The following DENND4B variants were observed in gnomAD, a reference collection of about 807,000 sequenced individuals.
DENND4B encodes the protein DENN domain containing 4B.
Under a neutral mutation model 161.0 loss-of-function variants are expected in DENND4B, and 67 were observed. The ratio of observed to expected loss-of-function variants is 0.42; its 90% confidence interval spans 0.34 to 0.51. The LOEUF is 0.51. Ranked by LOEUF, DENND4B falls within the 20% of genes least tolerant of loss-of-function variation. The pLI is 0.08. For synonymous variants in DENND4B, 753 were observed against 813.8 expected (o/e 0.93, Z 1.27); for missense variants, 1,481 against 1,968.0 (o/e 0.75, Z 4.68).
At position 153,941,969 on chromosome 1, in the gene DENND4B, C is replaced by T. The variant is rs1273809658; in HGVS notation, c.955G>A (p.Ala319Thr). Residue 319 changes from alanine (A) to threonine (T), a missense_variant, in exon 6 of 28, where the codon GCT becomes ACT. Ala to Thr is a moderately conservative substitution (Grantham distance 58). This residue lies in a region of DENND4B where 806 missense variants were observed against 1,134.4 expected (regional missense o/e 0.71). Coordinates refer to ENST00000361217, the MANE Select transcript of DENND4B (RefSeq NM_014856.3). ...AAGGCAGGCCAGCGGGACAGCACAGCGATGGCACGCCGGCTGCGCACAGCT... is the reference window on the plus strand; with the variant it reads ...AAGGCAGGCCAGCGGGACAGCACAGTGATGGCACGCCGGCTGCGCACAGCT... ...GRAVRSRRAI[A>T]VLSRWPAFPA... 9 of 1,612,194 alleles carry T rather than the reference C, an allele frequency of 5.6e-6. No homozygotes were observed. Among genetic ancestry groups the T allele is most frequent in the African/African-American group, 4.0e-5 (3 of 74,920 alleles).
At chr1:153,945,985 G>A (rs1679941956) in intron 1 of DENND4B, among the ~76,000 whole-genome samples, 1 of 152,204 alleles carries the variant, frequency 6.6e-6, no homozygotes, top group African/African-American at 2.4e-5. Context: ...GAAGGAGCAG[G>A]AGGGCAGAGA....
In DENND4B at chr1:153,931,143, A is replaced by G; in HGVS notation, c.3997-79T>C. 10 of 1,161,780 alleles carry G rather than the reference A, an allele frequency of 8.6e-6. No homozygotes were observed. The South Asian group carries it at 1.2e-4, about 14-fold the overall frequency. The allele number at this position is 1,161,780 out of a possible 1,614,324, so 72.0% of individuals were successfully genotyped here. On this transcript the variant is annotated intron_variant, in intron 24 of 27. Coordinates refer to ENST00000361217, the MANE Select transcript of DENND4B (RefSeq NM_014856.3). ...GACAAGAAACGGACAGGTGATGCCA[A>G]AGAGACAGAGGGCCATTACAGGACA...
rs1394465970 is a variant in DENND4B, at chr1:153,930,670, C to T, written c.4280+22G>A. The T allele has an allele frequency of 1.2e-6, 2 of 1,613,252 alleles. No individual in the cohort carries two copies. Among genetic ancestry groups the T allele is most frequent in the Non-Finnish European group, 1.7e-6 (2 of 1,179,542 alleles). On this transcript the variant is annotated intron_variant, in intron 26 of 27. Transcript: ENST00000361217. The surrounding 1 kb of genome is among the most constrained non-coding windows in gnomAD (Gnocchi z 4.7). The stretch of plus-strand genomic sequence containing the variant: ...GTGGAGCCCCGGACAGACCAGGGAT[C>T]ACCCAGATGGTAGCACCATACCTCT...
In DENND4B at chr1:153,937,499, G is replaced by A. The variant is rs900015878; in HGVS notation, c.2221C>T (p.Arg741Cys). Residue 741 changes from arginine (R) to cysteine (C), a missense_variant, in exon 15 of 28, where the codon CGT (arginine) becomes TGT (cysteine). Physicochemically the swap from Arg to Cys is radical, Grantham distance 180. Around this residue, in one of 3 missense-constraint regions of DENND4B, gnomAD observed 806 missense variants for 1,134.4 expected, o/e 0.71. Transcript: ENST00000361217. The surrounding 1 kb of genome is among the most constrained non-coding windows in gnomAD (Gnocchi z 4.7). The stretch of plus-strand genomic sequence containing the variant: ...CACCCACTGCTTACCTGTTTGGTAC[G>A]GCGAGGAGCAGGACTGCTGGGGGCG... ...RSAPSSPAPR[R>C]TKQEMKVAQR... The A allele has an allele frequency of 6.4e-7, 1 of 1,563,342 alleles. No homozygotes were observed.
chr1:153,940,856 A>G lies in DENND4B; in HGVS notation c.1326+48T>C. ...GTCCAGGCAGGGATAGGGGCACCAGAAAGAACCATGGTTCTGGGGAAGATG... is the reference window on the plus strand; with the variant it reads ...GTCCAGGCAGGGATAGGGGCACCAGGAAGAACCATGGTTCTGGGGAAGATG... On this transcript the variant is annotated intron_variant, in intron 9 of 27. Transcript: ENST00000361217. The surrounding 1 kb of genome is among the most constrained non-coding windows in gnomAD (Gnocchi z 5.6). 2.0e-6 allele frequency: 3 copies of G among 1,529,974 alleles called. No homozygotes were observed. Among genetic ancestry groups the G allele is most frequent in the Non-Finnish European group, 2.6e-6 (3 of 1,142,060 alleles). The allele number at this position is 1,529,974 out of a possible 1,614,324, so 94.8% of individuals were successfully genotyped here. A position where few individuals can be genotyped will look rare whatever the true frequency, so the allele number is the denominator to read the frequency against.
In DENND4B at chr1:153,933,582, G is replaced by A; in HGVS notation, c.3231C>T (p.Pro1077=). Residue 1077 remains proline (P), a synonymous_variant, in exon 20 of 28, where the codon CCC becomes CCT. Transcript: ENST00000361217. The surrounding 1 kb of genome is among the most constrained non-coding windows in gnomAD (Gnocchi z 5.7). ...PSRHSPASRI[P]PPELPPDLPP... is the part of the protein sequence containing the mutation. ...GCAGGTCAGGAGGCAGCTCAGGTGGGGGAATGCGGGAGGCAGGGGAGTGGC... is the reference window on the plus strand; with the variant it reads ...GCAGGTCAGGAGGCAGCTCAGGTGGAGGAATGCGGGAGGCAGGGGAGTGGC... The A allele has an allele frequency of 6.4e-7, 1 of 1,566,314 alleles. No individual in the cohort carries two copies. The highest frequency in any genetic ancestry group is 8.6e-7 in the Non-Finnish European group (1 of 1,158,504).
Position 153,944,183 on chromosome 1 carries a change from G to GC in DENND4B, c.191dup (p.Tyr65LeufsTer34). The GC allele has an allele frequency of 6.2e-7, 1 of 1,612,700 alleles. No homozygotes were observed. Among genetic ancestry groups the GC allele is most frequent in the Non-Finnish European group, 8.5e-7 (1 of 1,179,338 alleles). ...CAGCAGAAGCCTGGATGCATGTGTA[G>GC]CCCTGGGGCACTTCCTCGCCCAGTG... On this transcript the variant is annotated frameshift_variant, in exon 2 of 28. Transcript: ENST00000361217. LOFTEE classifies it high-confidence loss of function. The surrounding 1 kb of genome is among the most constrained non-coding windows in gnomAD (Gnocchi z 4.8).
At position 153,940,924 on chromosome 1, in the gene DENND4B, C is replaced by T. The variant is rs764830615; in HGVS notation, c.1306G>A (p.Val436Ile). 1.3e-5 allele frequency: 20 copies of T among 1,582,108 alleles called. No individual in the cohort carries two copies. Among genetic ancestry groups the T allele is most frequent in the South Asian group, 3.4e-5 (3 of 87,630 alleles). Residue 436 changes from valine (V) to isoleucine (I), a missense_variant, in exon 9 of 28, where the codon GTC becomes ATC. Coordinates refer to ENST00000361217, the MANE Select transcript of DENND4B (RefSeq NM_014856.3). This position sits in a 1 kb window ranked among gnomAD's most constrained non-coding sequence, Gnocchi z 5.6. The stretch of plus-strand genomic sequence containing the variant: ...CTCACCGAGACGAGGGCCTCACAGA[C>T]GCTGGTGAGCAGGTCTGGCCGCAGC... ...HSLRPDLLTS[V>I]CEALVSMIFP... is the part of the protein sequence containing the mutation.
In DENND4B at chr1:153,944,073, G is replaced by C. The variant is rs1299178847; in HGVS notation, c.302C>G (p.Pro101Arg). The C allele has an allele frequency of 1.3e-6, 2 of 1,573,526 alleles. No homozygotes were observed. The highest frequency in any genetic ancestry group is 8.6e-7 in the Non-Finnish European group (1 of 1,156,962). The change falls in exon 2 of 28, where the codon CCC becomes CGC. Residue 101 changes from proline (P) to arginine (R), a missense_variant. Physicochemically the swap from Pro to Arg is moderately radical, Grantham distance 103 (BLOSUM62 -2). This residue lies in a region of DENND4B where 806 missense variants were observed against 1,134.4 expected (regional missense o/e 0.71). Transcript: ENST00000361217. This position sits in a 1 kb window ranked among gnomAD's most constrained non-coding sequence, Gnocchi z 4.8. ...ICYRRGRDKP[P>R]LVELGVLYEG... ...GGGCACACACCCCAGCTCAACGAGGGGGGGCTTGTCACGGCCCCTGCGGTA... is the reference window on the plus strand; with the variant it reads ...GGGCACACACCCCAGCTCAACGAGGCGGGGCTTGTCACGGCCCCTGCGGTA...
rs763492051 is a variant in DENND4B, at chr1:153,930,295, C to T, written c.*2G>A. ...TAGGCTGGAGAGGGAAGCTTAAGGT[C>T]TCTAGCATTCTGGAGGTGCTCCAAA... On this transcript the variant is annotated 3_prime_UTR_variant, in exon 28 of 28. Coordinates refer to ENST00000361217, the MANE Select transcript of DENND4B (RefSeq NM_014856.3). This position sits in a 1 kb window ranked among gnomAD's most constrained non-coding sequence, Gnocchi z 4.7. 1.1e-5 allele frequency: 18 copies of T among 1,613,270 alleles called. No homozygotes were observed. In the South Asian group the frequency reaches 1.8e-4, roughly 16 times the overall value.
chr1:153,944,540 C>G lies in DENND4B; in HGVS notation c.-23-143G>C, dbSNP rs954304098. ...GGTCGGCCAATCCTGAACTCTTCCC[C>G]CTGTGACATCACTGCCCACCACAGC... is the stretch of plus-strand genomic sequence containing the variant. On this transcript the variant is annotated intron_variant, in intron 1 of 27. Coordinates refer to ENST00000361217, the MANE Select transcript of DENND4B (RefSeq NM_014856.3). The surrounding 1 kb of genome is among the most constrained non-coding windows in gnomAD (Gnocchi z 4.8). 9 of 790,340 alleles carry G rather than the reference C, an allele frequency of 1.1e-5. No homozygotes were observed. In the African/African-American group the frequency reaches 1.4e-4, roughly 12 times the overall value. 49.0% of individuals were successfully genotyped at this position (790,340 alleles called of 1,614,324 possible).
chr1:153,940,270 A>AT lies in DENND4B; in HGVS notation c.1503-15dup, dbSNP rs1679591963. 1.3e-6 allele frequency: 2 copies of AT among 1,587,052 alleles called. No individual in the cohort carries two copies. The highest frequency in any genetic ancestry group is 1.7e-6 in the Non-Finnish European group (2 of 1,167,244). Reference sequence around the variant, plus strand: ...TTTTCCTCAGTCCTGTGAGAAAAGCATAAGGGGAAAGAGTGGCGAGGCTCT... The same window carrying AT: ...TTTTCCTCAGTCCTGTGAGAAAAGCATTAAGGGGAAAGAGTGGCGAGGCTCT... On this transcript the variant is annotated splice_polypyrimidine_tract_variant and intron_variant, in intron 10 of 27. Coordinates refer to ENST00000361217, the MANE Select transcript of DENND4B (RefSeq NM_014856.3). The surrounding 1 kb of genome is among the most constrained non-coding windows in gnomAD (Gnocchi z 5.6).
chr1:153,938,406 CAA>C (rs34071791), intron 13 of DENND4B, among the ~76,000 whole-genome samples: 15 of 103,138 alleles, frequency 1.5e-4, no homozygotes, highest in Admixed American at 2.0e-4. Flanking sequence ...AAAACTATCT[CAA>C]AAAAAAAAAA....
Position 153,936,617 on chromosome 1 carries a change from G to A in DENND4B, c.2364C>T (p.Ser788=), listed in dbSNP as rs1295753291. 3.1e-6 allele frequency: 5 copies of A among 1,613,112 alleles called. No homozygotes were observed. In the East Asian group the frequency reaches 8.9e-5, roughly 29 times the overall value. ...AGGCTGTGTGCAGTGCCTGCACTCG[G>A]GAGGGTGCCGACCGCACATAGGCAG... ...CLPAYVRSAP[S]RVQALHTAYH... The change falls in exon 16 of 28, where the codon TCC becomes TCT. Residue 788 remains serine (S), a synonymous_variant. Transcript: ENST00000361217. This position sits in a 1 kb window ranked among gnomAD's most constrained non-coding sequence, Gnocchi z 4.1.
Position 153,933,390 on chromosome 1 carries a change from C to G in DENND4B, c.3331-71G>C, listed in dbSNP as rs1209027092. ...CACCCAGGATATGTGTTTCAAGCAC[C>G]CCTCAGAGCCCCCTTTTTGAGCATT... On this transcript the variant is annotated intron_variant, in intron 20 of 27. Transcript: ENST00000361217. This position sits in a 1 kb window ranked among gnomAD's most constrained non-coding sequence, Gnocchi z 5.7. 3 of 1,608,210 alleles carry G rather than the reference C, an allele frequency of 1.9e-6. No homozygotes were observed. Among genetic ancestry groups the G allele is most frequent in the Non-Finnish European group, 2.5e-6 (3 of 1,177,244 alleles).
Position 153,930,263 on chromosome 1 carries a change from C to T in DENND4B, c.*34G>A, listed in dbSNP as rs555769689. Reference sequence around the variant, plus strand: ...TCTAGAATCCCTTCTTCCTCACTTCCCCACCCTAGGCTGGAGAGGGAAGCT... The same window carrying T: ...TCTAGAATCCCTTCTTCCTCACTTCTCCACCCTAGGCTGGAGAGGGAAGCT... On this transcript the variant is annotated 3_prime_UTR_variant, in exon 28 of 28. Transcript: ENST00000361217. This position sits in a 1 kb window ranked among gnomAD's most constrained non-coding sequence, Gnocchi z 4.7. 6.3e-7 allele frequency: 1 copy of T among 1,598,708 alleles called. No individual in the cohort carries two copies. The highest frequency in any genetic ancestry group is 1.1e-5 in the South Asian group (1 of 90,320).
Position 153,938,955 on chromosome 1 carries a change from G to A in DENND4B, c.1910C>T (p.Ser637Phe), listed in dbSNP as rs1270306589. 6.2e-7 allele frequency: 1 copy of A among 1,609,014 alleles called. No homozygotes were observed. Among genetic ancestry groups the A allele is most frequent in the Non-Finnish European group, 8.5e-7 (1 of 1,177,766 alleles). ...GGCAGCATGGCGAGCAGAGCCAAAA[G>A]AGCACTCCTCAATGAACTGTGAGAA... ...QMFSQFIEECSFGSARHAALE... is the reference protein window; with the variant it reads ...QMFSQFIEECFFGSARHAALE... The change falls in exon 13 of 28, where the codon TCT becomes TTT. Residue 637 changes from serine to phenylalanine, a missense_variant. Ser to Phe is a radical substitution (Grantham distance 155). Around this residue, in one of 3 missense-constraint regions of DENND4B, gnomAD observed 806 missense variants for 1,134.4 expected, o/e 0.71. Transcript: ENST00000361217.
In DENND4B at chr1:153,930,011, T is replaced by TG. The variant is rs1678811096; in HGVS notation, c.*285dup. ...GGGCAATGCAGATCTGTGGGTACCC[T>TG]GGAGGGGAGTTCCCGGTATAGGACA... On this transcript the variant is annotated 3_prime_UTR_variant, in exon 28 of 28. Transcript: ENST00000361217. The surrounding 1 kb of genome is among the most constrained non-coding windows in gnomAD (Gnocchi z 4.7). The TG allele has an allele frequency of 2.3e-6, 1 of 431,530 alleles. No homozygotes were observed. Among genetic ancestry groups the TG allele is most frequent in the Non-Finnish European group, 4.2e-6 (1 of 239,408 alleles). 26.7% of individuals were successfully genotyped at this position (431,530 alleles called of 1,614,324 possible).
intron 1 of DENND4B, chr1:153,945,219 T>A: frequency 7.9e-7 from 1 of 1,271,770 alleles, no homozygotes; most frequent in Non-Finnish European, 1.0e-6. Flanking sequence ...AAAAGCCTGG[T>A]GGGTAGCTCG....
Sources: allele counts gnomAD v4.1 joint callset (sites outside exome capture counted in the v4.1 genomes callset), GRCh38; gene constraint gnomAD v4.1.1; regional missense constraint gnomAD v4.1.1; non-coding constraint Gnocchi (gnomAD v3.1); transcripts MANE v1.5; gene names NCBI Gene and HGNC (gene_info 2026-07-23, HGNC 2026-07-21).